CFAP65: variants seen among roughly 807,000 people sequenced by gnomAD.
CFAP65 encodes the protein cilia and flagella associated protein 65.
CFAP65 carries 155 observed loss-of-function variants against 208.0 expected under a neutral mutation model. That is an observed-to-expected ratio of 0.75 (90% CI 0.65 to 0.85). The LOEUF is 0.85. Among genes scored for constraint, CFAP65 ranks in the 40% least tolerant of loss-of-function variants. The pLI, the probability that CFAP65 is intolerant of heterozygous loss-of-function variation, is 0.00. For synonymous variants in CFAP65, 970 were observed against 986.3 expected, an observed-to-expected ratio of 0.98 and a Z score of 0.31; for missense variants, 2,294 against 2,451.3, an observed-to-expected ratio of 0.94 and a Z score of 1.36.
chr2:219,023,236 T>C lies in CFAP65; in HGVS notation c.2791A>G (p.Arg931Gly), dbSNP rs1203733624. 6.2e-7 allele frequency: 1 copy of C among 1,612,496 alleles called. No homozygotes were observed. The highest frequency in any genetic ancestry group is 8.5e-7 in the Non-Finnish European group (1 of 1,179,920). Residue 931 changes from arginine (R) to glycine (G), a missense_variant, in exon 16 of 35, where the codon AGG becomes GGG. Arg to Gly is a moderately radical substitution (Grantham distance 125). Transcript: ENST00000341552. ...CTCTCGTTGGGCTGGATTAGCCCCC[T>C]GGAGGGCTGGACAGCCAGCAGCTTT... is the stretch of plus-strand genomic sequence containing the variant. ...HRKLLAVQPS[R>G]GLIQPNERLT...
In CFAP65 at chr2:219,038,972, G is replaced by C. The variant is rs752240525; in HGVS notation, c.77C>G (p.Ser26Cys). 2 of 1,613,854 alleles carry C rather than the reference G, an allele frequency of 1.2e-6. No individual in the cohort carries two copies. The highest frequency in any genetic ancestry group is 1.3e-5 in the African/African-American group (1 of 74,930). ...VENPSVSFAS[S>C]FPLIPLLLRG... is the part of the protein sequence containing the mutation. The stretch of plus-strand genomic sequence containing the variant: ...TAGGAGAAGAGGAATAAGGGGGAAA[G>C]AAGAGGCAAATGAGACTGATGGATT... The change falls in exon 3 of 35, where the codon TCT (serine) becomes TGT (cysteine). Residue 26 changes from serine to cysteine, a missense_variant. This residue lies in a region of CFAP65 where 867 missense variants were observed against 1,012.6 expected (regional missense o/e 0.86). Transcript: ENST00000341552.
At chr2:219,015,192 T>G (rs751074607) in intron 21 of CFAP65, 1 of 142,162 alleles carries the variant, frequency 7.0e-6, no homozygotes, top group Non-Finnish European at 1.5e-5. Context: ...AACACACACC[T>G]GAGAGAAAGC....
In CFAP65 at chr2:219,006,549, C is replaced by T. The variant is rs1465296910; in HGVS notation, c.4675-40G>A. ...AGATCCTTGCTTAAGATACAAGAGG[C>T]CCGGCCGGGGGTGGTGCTTCATGCC... On this transcript the variant is annotated intron_variant, in intron 29 of 34. Coordinates refer to ENST00000341552, the MANE Select transcript of CFAP65 (RefSeq NM_194302.4). The T allele has an allele frequency of 3.7e-6, 6 of 1,605,710 alleles. No individual in the cohort carries two copies. In the South Asian group the frequency reaches 4.4e-5, roughly 12 times the overall value.
Position 219,032,358 on chromosome 2 carries a change from C to G in CFAP65, c.645+112G>C. On this transcript the variant is annotated intron_variant, in intron 6 of 34. Transcript: ENST00000341552. The surrounding 1 kb of genome is among the most constrained non-coding windows in gnomAD (Gnocchi z 5.5). Reference sequence around the variant, plus strand: ...CTCCCAAGCTGGATTGCTGCTGGAGCGGGCAGCATGTGTGTGTGCCGGGGC... The same window carrying G: ...CTCCCAAGCTGGATTGCTGCTGGAGGGGGCAGCATGTGTGTGTGCCGGGGC... The G allele has an allele frequency of 1.2e-6, 1 of 845,788 alleles. No individual in the cohort carries two copies. Among genetic ancestry groups the G allele is most frequent in the Non-Finnish European group, 1.8e-6 (1 of 548,256 alleles). 52.4% of individuals were successfully genotyped at this position (845,788 alleles called of 1,614,324 possible).
chr2:219,010,493 G>C (rs1574538260), intron 26 of CFAP65, 53 bp downstream of exon 26: 1 of 1,569,816 alleles, frequency 6.4e-7, no homozygotes, highest in East Asian at 2.3e-5. Flanking sequence ...GCCACCCTGG[G>C]CTCTGAGGCT....
rs374527588 is a variant in CFAP65, at chr2:219,027,681, G to A, written c.2180C>T (p.Thr727Met). Residue 727 changes from threonine to methionine, a missense_variant, in exon 13 of 35, where the codon ACG becomes ATG. Transcript: ENST00000341552. Reference sequence around the variant, plus strand: ...GATGGCGAAGGCTTCGAGCTCCACCGTGTAAAGGCAGTTGGGGTGAGGCGG... The same window carrying A: ...GATGGCGAAGGCTTCGAGCTCCACCATGTAAAGGCAGTTGGGGTGAGGCGG... Reference protein sequence around the residue: ...FQPPHPNCLYTVELEAFAIYK... With the variant: ...FQPPHPNCLYMVELEAFAIYK... 8.7e-5 allele frequency: 141 copies of A among 1,613,926 alleles called. No individual in the cohort carries two copies. The highest frequency in any genetic ancestry group is 5.2e-4 in the Admixed American group (31 of 60,014).
Position 219,009,928 on chromosome 2 carries a change from C to A in CFAP65, c.4452+14G>T, listed in dbSNP as rs1196228665. On this transcript the variant is annotated intron_variant, in intron 27 of 34. Coordinates refer to ENST00000341552, the MANE Select transcript of CFAP65 (RefSeq NM_194302.4). ...GAGCTCTGATGGAGGTTCCAGGGCT[C>A]AGGGGACTCTCACCTCCCCAAAATC... 1 of 1,600,986 alleles carries A rather than the reference C, an allele frequency of 6.2e-7. No individual in the cohort carries two copies. The highest frequency in any genetic ancestry group is 1.1e-5 in the South Asian group (1 of 88,206).
chr2:219,030,730 A>G lies in CFAP65; in HGVS notation c.1120T>C (p.Cys374Arg), dbSNP rs745844778. ...AGCCTGATCTGCCTCTCCGAGGTGC[A>G]GCCCACAGCAACAGAGCCAAAGTAC... ...LLYFGSVAVG[C>R]TSERQIRLHN... Residue 374 changes from cysteine to arginine, a missense_variant, in exon 9 of 35, where the codon TGC becomes CGC. By Grantham distance (180) the Cys-to-Arg change is radical. This residue lies in a region of CFAP65 where 867 missense variants were observed against 1,012.6 expected (regional missense o/e 0.86). Coordinates refer to ENST00000341552, the MANE Select transcript of CFAP65 (RefSeq NM_194302.4). The G allele has an allele frequency of 4.3e-6, 7 of 1,614,176 alleles. No individual in the cohort carries two copies. In the South Asian group the frequency reaches 7.7e-5, roughly 18 times the overall value.
rs1255924923 is a variant in CFAP65, at chr2:219,031,724, C to T, written c.646-66G>A. ...GCATTCAGGGACTGCACATCCCGCC[C>T]ACCCTCAGCCACCCCCAACACAACC... On this transcript the variant is annotated intron_variant, in intron 6 of 34. Coordinates refer to ENST00000341552, the MANE Select transcript of CFAP65 (RefSeq NM_194302.4). The surrounding 1 kb of genome is among the most constrained non-coding windows in gnomAD (Gnocchi z 5.2). The T allele has an allele frequency of 8.5e-6, 13 of 1,530,120 alleles. No homozygotes were observed. In the East Asian group the frequency reaches 1.4e-4, roughly 16 times the overall value. 94.8% of individuals were successfully genotyped at this position (1,530,120 alleles called of 1,614,324 possible).
Position 219,031,734 on chromosome 2 carries a change from C to CACCCCCA in CFAP65, c.646-83_646-77dup. The stretch of plus-strand genomic sequence containing the variant: ...ACTGCACATCCCGCCCACCCTCAGC[C>CACCCCCA]ACCCCCAACACAACCGCTGAGGGGA... On this transcript the variant is annotated intron_variant, in intron 6 of 34. Transcript: ENST00000341552. The surrounding 1 kb of genome is among the most constrained non-coding windows in gnomAD (Gnocchi z 5.2). 6.6e-7 allele frequency: 1 copy of CACCCCCA among 1,518,996 alleles called. No homozygotes were observed. 94.1% of individuals were successfully genotyped at this position (1,518,996 alleles called of 1,614,324 possible). A position where few individuals can be genotyped will look rare whatever the true frequency, so the allele number is the denominator to read the frequency against.
Position 219,004,142 on chromosome 2 carries a change from CCTCCTCTTCTGT to C in CFAP65, c.5353_5364del (p.Thr1785_Glu1788del). The C allele has an allele frequency of 6.2e-7, 1 of 1,613,904 alleles. No individual in the cohort carries two copies. The highest frequency in any genetic ancestry group is 1.3e-5 in the African/African-American group (1 of 75,012). On this transcript the variant is annotated inframe_deletion, in exon 33 of 35. Coordinates refer to ENST00000341552, the MANE Select transcript of CFAP65 (RefSeq NM_194302.4). This position sits in a 1 kb window ranked among gnomAD's most constrained non-coding sequence, Gnocchi z 4.7. Reference sequence around the variant, plus strand: ...TCCTCTATCTCCTCCTTGCCCAACTCCTCCTCTTCTGTCTCCTCTTCTTCCTCCTCTTCCTCC... The same window carrying C: ...TCCTCTATCTCCTCCTTGCCCAACTCCTCCTCTTCTTCCTCCTCTTCCTCC...
chr2:219,019,776 G>A (rs1947156714), intron 19 of CFAP65, 57 bp from the exon 20 acceptor site: 1 of 1,474,162 alleles, frequency 6.8e-7, no homozygotes, highest in Non-Finnish European at 9.4e-7. Context: ...TCCCTGGAGG[G>A]GGCATGCAGG....
At chr2:219,005,876 T>C in intron 31 of CFAP65, 145 bp downstream of exon 31, 1 of 879,610 alleles carries the variant, frequency 1.1e-6, no homozygotes, top group Non-Finnish European at 1.8e-6. Context: ...TGGGGCATCC[T>C]GGGCCCAGAG....
Position 219,038,576 on chromosome 2 carries a change from G to C in CFAP65, c.156C>G (p.Leu52=). ...GTCCAAAGGGAGCACTCTGAGTATG[G>C]AGCTGGGAAGAGAGCAGAGGGGAGA... The part of the protein sequence containing the change: ...KQAESKSQIK[L]HTQSAPFGLC... The change falls in exon 4 of 35, where the codon CTC becomes CTG. Residue 52 remains leucine (L), a splice_region_variant and synonymous_variant. Coordinates refer to ENST00000341552, the MANE Select transcript of CFAP65 (RefSeq NM_194302.4). 1.2e-6 allele frequency: 2 copies of C among 1,613,042 alleles called. No individual in the cohort carries two copies. The highest frequency in any genetic ancestry group is 1.7e-6 in the Non-Finnish European group (2 of 1,179,344).
Position 219,021,855 on chromosome 2 carries a change from C to T in CFAP65, c.3055G>A (p.Asp1019Asn), listed in dbSNP as rs1166388529. 2 of 1,613,854 alleles carry T rather than the reference C, an allele frequency of 1.2e-6. No individual in the cohort carries two copies. The highest frequency in any genetic ancestry group is 3.3e-5 in the Admixed American group (2 of 60,024). The change falls in exon 18 of 35, where the codon GAC becomes AAC. Residue 1019 changes from aspartate (D) to asparagine (N), a missense_variant. By Grantham distance (23) the Asp-to-Asn change is conservative. Around this residue, in one of 2 missense-constraint regions of CFAP65, gnomAD observed 1,427 missense variants for 1,438.7 expected, o/e 0.99. Transcript: ENST00000341552. ...CGGTAATAGAGGGTGCAGTTGCCGT[C>T]ATTCAGGAGGACAAGGAACCTGGAC... ...KQSRFLVLLNDGNCTLYYRLY... is the reference protein window; with the variant it reads ...KQSRFLVLLNNGNCTLYYRLY...
rs762466957 is a variant in CFAP65 at position 219,029,702 on chromosome 2, A to G, written c.1385-34T>C. 6.9e-6 allele frequency: 11 copies of G among 1,599,134 alleles called. No homozygotes were observed. The South Asian group carries it at 1.2e-4, about 18-fold the overall frequency. On this transcript the variant is annotated intron_variant, in intron 10 of 34. Coordinates refer to ENST00000341552, the MANE Select transcript of CFAP65 (RefSeq NM_194302.4). ...AGGAGATGGGGTATCAGCTTCCCCA[A>G]GGATATCTTAGACAAAGTTCCACTG... is the stretch of plus-strand genomic sequence containing the variant.
Position 219,002,901 on chromosome 2 carries a change from C to A in CFAP65, c.*36G>T. ...CGGTGGAGAGGGGGCCAGGCGTGAC[C>A]CCTAGCGGCATGTCGGAGAGGCTGG... is the stretch of plus-strand genomic sequence containing the variant. On this transcript the variant is annotated 3_prime_UTR_variant, in exon 35 of 35. Coordinates refer to ENST00000341552, the MANE Select transcript of CFAP65 (RefSeq NM_194302.4). This position sits in a 1 kb window ranked among gnomAD's most constrained non-coding sequence, Gnocchi z 7.9. 4 of 1,523,570 alleles carry A rather than the reference C, an allele frequency of 2.6e-6. No individual in the cohort carries two copies. The highest frequency in any genetic ancestry group is 3.5e-6 in the Non-Finnish European group (4 of 1,128,882). 94.4% of individuals were successfully genotyped at this position (1,523,570 alleles called of 1,614,324 possible).
Position 219,032,140 on chromosome 2 carries a change from C to T in CFAP65, c.645+330G>A, listed in dbSNP as rs1014836654. Among the ~76,000 whole-genome samples the T allele has an allele frequency of 6.6e-5, 10 of 152,104 alleles. No individual in the cohort carries two copies. Among genetic ancestry groups the T allele is most frequent in the African/African-American group, 1.2e-4 (5 of 41,428 alleles). Reference sequence around the variant, plus strand: ...TTCGCCATGTCGGCCAGGCTGGTCTCGAACTCCTGGCCTCAAGTGACCTGC... The same window carrying T: ...TTCGCCATGTCGGCCAGGCTGGTCTTGAACTCCTGGCCTCAAGTGACCTGC... On this transcript the variant is annotated intron_variant, in intron 6 of 34. Coordinates refer to ENST00000341552, the MANE Select transcript of CFAP65 (RefSeq NM_194302.4). The surrounding 1 kb of genome is among the most constrained non-coding windows in gnomAD (Gnocchi z 5.5).
In CFAP65 at chr2:219,019,824, CCCT is replaced by C. The variant is rs1369439042; in HGVS notation, c.3260-108_3260-106del. 4.6e-6 allele frequency: 4 copies of C among 863,888 alleles called. No homozygotes were observed. In the African/African-American group the frequency reaches 6.7e-5, roughly 14 times the overall value. 53.5% of individuals were successfully genotyped at this position (863,888 alleles called of 1,614,324 possible). A position where few individuals can be genotyped will look rare whatever the true frequency, so the allele number is the denominator to read the frequency against. The stretch of plus-strand genomic sequence containing the variant: ...GAGTCCTGGGCAGTTGGCCCCAGGA[CCCT>C]CATCAGGAGCAGTGGACCCCTCTCG... On this transcript the variant is annotated intron_variant, in intron 19 of 34. Transcript: ENST00000341552.
Sources: gnomAD v4.1 joint callset for allele counts (sites outside exome capture counted in the v4.1 genomes callset) on GRCh38, gnomAD v4.1.1 for gene constraint, gnomAD v4.1.1 regional missense constraint, Gnocchi (gnomAD v3.1) non-coding constraint, MANE v1.5 for transcripts, NCBI Gene and HGNC (gene_info 2026-07-23, HGNC 2026-07-21) for gene names.